The following ZBTB20 variants were observed in gnomAD, a reference collection of about 807,000 sequenced individuals.
The protein encoded by ZBTB20 is zinc finger and BTB domain-containing protein 20.
Under a neutral mutation model 56.9 loss-of-function variants are expected in ZBTB20, and 9 were observed. That is an observed-to-expected ratio of 0.16 (90% confidence interval 0.10 to 0.28). The LOEUF is 0.28. ZBTB20 is among the 10% of genes least tolerant of loss of function. The pLI is 1.00. For missense variants in ZBTB20, 655 were observed against 1,003.0 expected (o/e 0.65, Z 4.69); for synonymous variants, 417 against 420.7 (o/e 0.99, Z 0.11).
At chr3:114,699,186 C>T (rs1045823465) in intron 5 of ZBTB20, among the ~76,000 whole-genome samples, 1 of 152,108 alleles carries the variant, frequency 6.6e-6, no homozygotes, top group East Asian at 1.9e-4. Context: ...CCCTTTTGGG[C>T]TGTCTTTCAT....
chr3:115,002,547 C>T (rs979157048), intron 2 of ZBTB20, among the ~76,000 whole-genome samples: 1 of 151,540 alleles, frequency 6.6e-6, no homozygotes, highest in African/African-American at 2.4e-5. Context: ...TCTGAACAGA[C>T]ATCTCACCAA....
At chr3:114,576,419 G>A (rs1223877678) in intron 6 of ZBTB20, among the ~76,000 whole-genome samples, 1 of 146,342 alleles carries the variant, frequency 6.8e-6, no homozygotes, top group Admixed American at 7.0e-5. Flanking sequence ...GGAGAACGGC[G>A]TGAACCCGGG....
At chr3:114,966,835 T>C (rs2077666998) in intron 3 of ZBTB20, among the ~76,000 whole-genome samples, 1 of 152,062 alleles carries the variant, frequency 6.6e-6, no homozygotes. Flanking sequence ...TTACATAAAG[T>C]TAAATATTTT....
chr3:114,791,039 T>C (rs559210929), intron 5 of ZBTB20, among the ~76,000 whole-genome samples: 1 of 152,240 alleles, frequency 6.6e-6, no homozygotes, highest in South Asian at 2.1e-4. Context: ...TCTATTGTAA[T>C]ATATGATATT....
intron 2 of ZBTB20, among the ~76,000 whole-genome samples, chr3:114,995,725 C>A (rs1453760287): frequency 6.6e-6 from 1 of 151,738 alleles, no homozygotes; most frequent in African/African-American, 2.4e-5. Context: ...AGTGCTATCC[C>A]AAACCCCACA....
At chr3:115,139,620 T>C (rs948700301) in intron 1 of ZBTB20, among the ~76,000 whole-genome samples, 7 of 152,164 alleles carry the variant, frequency 4.6e-5, no homozygotes, top group African/African-American at 1.2e-4. Context: ...ACTCAATGTA[T>C]ACCTATGTTT....
At chr3:114,384,469 GAA>G (rs547229153) in intron 8 of ZBTB20, among the ~76,000 whole-genome samples, 1 of 135,040 alleles carries the variant, frequency 7.4e-6, no homozygotes, top group African/African-American at 2.7e-5. Flanking sequence ...TTCAAAAAAA[GAA>G]AAAAAAAAAA....
intron 4 of ZBTB20, among the ~76,000 whole-genome samples, chr3:114,824,435 T>C (rs1046516431): frequency 6.6e-6 from 1 of 152,000 alleles, no homozygotes; most frequent in Non-Finnish European, 1.5e-5. Flanking sequence ...ATATGCCACT[T>C]CAGCCACTCC....
At chr3:115,145,560 G>C (rs553036045) in intron 1 of ZBTB20, among the ~76,000 whole-genome samples, 1 of 152,260 alleles carries the variant, frequency 6.6e-6, no homozygotes, top group East Asian at 1.9e-4. Flanking sequence ...TTAGGGAATT[G>C]TGGCAAGAAA....
intron 2 of ZBTB20, among the ~76,000 whole-genome samples, chr3:114,975,998 G>T (rs551074290): frequency 1.3e-5 from 2 of 152,250 alleles, no homozygotes; most frequent in South Asian, 2.1e-4. Flanking sequence ...CACTAAATCT[G>T]TATCTATTTA....
chr3:114,328,415 A>G lies in ZBTB20; in HGVS notation c.*10590T>C, dbSNP rs943249035. 6.6e-6 allele frequency: 1 copy of G among 152,144 alleles called. No homozygotes were observed. Among genetic ancestry groups the G allele is most frequent in the African/African-American group, 2.4e-5 (1 of 41,430 alleles). 9.4% of individuals were successfully genotyped at this position (152,144 alleles called of 1,614,324 possible). On this transcript the variant is annotated 3_prime_UTR_variant, in exon 12 of 12. Coordinates refer to ENST00000675478, the MANE Select transcript of ZBTB20 (RefSeq NM_001348800.3). ...TAAAGTCTGATAAACAAGTAATTTG[A>G]CTAGTGGAAACAGTCAACATTAATG...
chr3:114,322,376 C>G lies in ZBTB20; in HGVS notation c.*16629G>C, dbSNP rs2078926107. ...TGATGACAAGGTCTCCTGTAAATAC[C>G]ATTGTGAACAGAAGGAAAACCATAG... On this transcript the variant is annotated 3_prime_UTR_variant, in exon 12 of 12. Transcript: ENST00000675478. 1 of 152,116 alleles carries G rather than the reference C, an allele frequency of 6.6e-6. No individual in the cohort carries two copies. The highest frequency in any genetic ancestry group is 2.4e-5 in the African/African-American group (1 of 41,416). 9.4% of individuals were successfully genotyped at this position (152,116 alleles called of 1,614,324 possible). A position where few individuals can be genotyped will look rare whatever the true frequency, so the allele number is the denominator to read the frequency against.
chr3:114,380,311 G>A lies in ZBTB20; in HGVS notation c.105C>T (p.Cys35=). The part of the protein sequence containing the change: ...GGSSAKPGLP[C]LNFEAVLSPD... ...GAGACAAAACAGCTTCAAAGTTCAGGCAGGGAAGGCCCGGCTTGGCGCTGG... is the reference window on the plus strand; with the variant it reads ...GAGACAAAACAGCTTCAAAGTTCAGACAGGGAAGGCCCGGCTTGGCGCTGG... The change falls in exon 10 of 12, where the codon TGC becomes TGT. Residue 35 remains cysteine, a synonymous_variant. Coordinates refer to ENST00000675478, the MANE Select transcript of ZBTB20 (RefSeq NM_001348800.3). 6.5e-7 allele frequency: 1 copy of A among 1,537,202 alleles called. No individual in the cohort carries two copies. The highest frequency in any genetic ancestry group is 8.7e-7 in the Non-Finnish European group (1 of 1,146,874).
chr3:115,085,072 ATCCAGATTGC>A (rs2082936125), intron 1 of ZBTB20, among the ~76,000 whole-genome samples: 1 of 152,030 alleles, frequency 6.6e-6, no homozygotes, highest in Non-Finnish European at 1.5e-5. Context: ...AAAGATATTC[ATCCAGATTGC>A]CCTCCAATCG....
At chr3:114,862,974 C>G (rs2075599932) in intron 4 of ZBTB20, among the ~76,000 whole-genome samples, 1 of 152,068 alleles carries the variant, frequency 6.6e-6, no homozygotes, top group Non-Finnish European at 1.5e-5. Flanking sequence ...GGAATAAAGA[C>G]AAGGTCCTTA....
intron 6 of ZBTB20, among the ~76,000 whole-genome samples, chr3:114,546,556 AC>A (rs1448477145): frequency 1.0e-5 from 1 of 96,088 alleles, no homozygotes; most frequent in Non-Finnish European, 2.3e-5. Context: ...TGCAACATAC[AC>A]CTTTTTTTTT....
At chr3:114,585,426 T>C (rs2055080602) in intron 6 of ZBTB20, among the ~76,000 whole-genome samples, 2 of 152,296 alleles carry the variant, frequency 1.3e-5, no homozygotes, top group South Asian at 4.1e-4. Context: ...ACAATTTTCA[T>C]TTAAGTTTCC....
At chr3:115,028,991 A>G (rs1351188242) in intron 2 of ZBTB20, among the ~76,000 whole-genome samples, 1 of 150,664 alleles carries the variant, frequency 6.6e-6, no homozygotes, top group Non-Finnish European at 1.5e-5. Flanking sequence ...TATAAACATG[A>G]GAAAGGAGTA....
At chr3:114,552,544 AC>A (rs781586285) in intron 6 of ZBTB20, among the ~76,000 whole-genome samples, 3 of 152,118 alleles carry the variant, frequency 2.0e-5, no homozygotes, top group Non-Finnish European at 2.9e-5. Flanking sequence ...CTATTTCCAA[AC>A]CGCCCAAAAT....
Sources: gnomAD v4.1 joint callset for allele counts (sites outside exome capture counted in the v4.1 genomes callset) on GRCh38, gnomAD v4.1.1 for gene constraint, MANE v1.5 for transcripts, NCBI Gene and HGNC (gene_info 2026-07-23, HGNC 2026-07-21) for gene names.